Variants in PDE3B observed in about 807,000 individuals in gnomAD.
The protein encoded by PDE3B is phosphodiesterase 3B.
Under a neutral mutation model 116.8 loss-of-function variants are expected in PDE3B, and 66 were observed. That is an observed-to-expected ratio of 0.56 (90% CI 0.46 to 0.69). The LOEUF is 0.69. Ranked by LOEUF, PDE3B falls within the 30% of genes least tolerant of loss-of-function variation. PDE3B has a pLI of 0.00. For synonymous variants in PDE3B, 595 were observed against 533.6 expected (o/e 1.12, Z -1.59); for missense variants, 1,384 against 1,368.1 (o/e 1.01, Z -0.18).
At chr11:14,749,517 T>C (rs1249756418) in intron 1 of PDE3B, among the ~76,000 whole-genome samples, 2 of 152,178 alleles carry the variant, frequency 1.3e-5, no homozygotes, top group Admixed American at 1.3e-4. Context: ...TCTTTGGGGC[T>C]ACACAGAACG....
intron 12 of PDE3B, among the ~76,000 whole-genome samples, chr11:14,850,377 T>C (rs1032162246): frequency 6.6e-6 from 1 of 152,092 alleles, no homozygotes; most frequent in Non-Finnish European, 1.5e-5. Flanking sequence ...TTAGGAGATA[T>C]ACCTAATGCT....
intron 12 of PDE3B, among the ~76,000 whole-genome samples, chr11:14,846,406 C>A (rs1284251519): frequency 1.3e-5 from 2 of 152,116 alleles, no homozygotes; most frequent in Non-Finnish European, 2.9e-5. Context: ...TAAAGACCAT[C>A]GAGGCTAGGA....
At chr11:14,875,485 G>T (rs1411887070), downstream of PDE3B, among the ~76,000 whole-genome samples, 1 of 152,174 alleles carries the variant, frequency 6.6e-6, no homozygotes, top group East Asian at 1.9e-4. Flanking sequence ...TGAGTTAGTA[G>T]CTTAGCACTG....
At chr11:14,678,508 G>T (rs973167347) in intron 1 of PDE3B, among the ~76,000 whole-genome samples, 6 of 152,072 alleles carry the variant, frequency 3.9e-5, no homozygotes, top group African/African-American at 1.4e-4. Flanking sequence ...ACTTGGTATT[G>T]TTAGTATTTT....
intron 1 of PDE3B, among the ~76,000 whole-genome samples, chr11:14,655,787 G>A (rs1565075263): frequency 6.6e-6 from 1 of 152,160 alleles, no homozygotes; most frequent in African/African-American, 2.4e-5. Flanking sequence ...CCATGTGATG[G>A]TAAAATTCAT....
chr11:14,857,565 C>T (rs189111782), intron 12 of PDE3B, among the ~76,000 whole-genome samples: 1 of 152,126 alleles, frequency 6.6e-6, no homozygotes, highest in Admixed American at 6.5e-5. Context: ...TTTTCTCAAT[C>T]CATTCTCATT....
rs779157942 is a variant in PDE3B at position 14,818,187 on chromosome 11, T to G, written c.1527T>G (p.Val509=). 21 of 1,604,372 alleles carry G rather than the reference T, an allele frequency of 1.3e-5. No individual in the cohort carries two copies. The South Asian group carries it at 2.1e-4, about 16-fold the overall frequency. ...CCTTTCTTTTAATTTTTAAAGGTGT[T>G]TTGTCCAGTCTGAGTCCTGTGAATT... is the stretch of plus-strand genomic sequence containing the variant. The part of the protein sequence containing the change: ...THHVGLRRAG[V]LSSLSPVNSS... The change falls in exon 6 of 16, where the codon GTT becomes GTG. Residue 509 remains valine, a synonymous_variant. Transcript: ENST00000282096.
At chr11:14,848,828 T>G (rs375286119) in intron 12 of PDE3B, among the ~76,000 whole-genome samples, 63 of 152,120 alleles carry the variant, frequency 4.1e-4, no homozygotes, top group South Asian at 2.3e-3. Context: ...CACTGCTCAA[T>G]GAAATAAAAG....
At chr11:14,696,974 T>C in intron 1 of PDE3B, among the ~76,000 whole-genome samples, 1 of 152,260 alleles carries the variant, frequency 6.6e-6, no homozygotes, top group South Asian at 2.1e-4. Context: ...TCTTGCTCTG[T>C]CACTCAGGTT....
chr11:14,667,465 AAAG>A (rs1854205321), intron 1 of PDE3B, among the ~76,000 whole-genome samples: 1 of 150,348 alleles, frequency 6.7e-6, no homozygotes. Flanking sequence ...AAATTAAAAA[AAAG>A]AAAATGTGGC....
chr11:14,823,331 A>G (rs770055830), intron 7 of PDE3B, among the ~76,000 whole-genome samples: 2 of 151,758 alleles, frequency 1.3e-5, no homozygotes, highest in Non-Finnish European at 2.9e-5. Context: ...GTCTACAACC[A>G]CCCCTGCTAG....
intron 1 of PDE3B, among the ~76,000 whole-genome samples, chr11:14,666,645 A>G (rs1191340613): frequency 1.3e-5 from 2 of 151,870 alleles, no homozygotes; most frequent in Non-Finnish European, 2.9e-5. Flanking sequence ...ACACTTCTCA[A>G]AAGAAGACAT....
chr11:14,854,084 TAA>T (rs1337447078), intron 12 of PDE3B, among the ~76,000 whole-genome samples: 18 of 152,178 alleles, frequency 1.2e-4, no homozygotes, highest in Non-Finnish European at 7.3e-5. Context: ...CACCAGCAGA[TAA>T]AAGTTTTTTT....
At chr11:14,899,256 T>C in the PDE3B span, among the ~76,000 whole-genome samples, 5 of 152,212 alleles carry the variant, frequency 3.3e-5, no homozygotes, top group Admixed American at 6.5e-5. Context: ...GAAGTTGGAT[T>C]TGAGAGCTGT....
chr11:14,644,315 C>G lies in PDE3B; in HGVS notation c.240C>G (p.Leu80=), dbSNP rs553365408. ...RRCSPFCRAR[L]SLGALAAFVL... ...GCTCCCCCTTCTGCCGGGCGCGCCT[C>G]TCGCTGGGCGCCCTGGCTGCCTTTG... Residue 80 remains leucine, a synonymous_variant, in exon 1 of 16, where the codon CTC becomes CTG. Coordinates refer to ENST00000282096, the MANE Select transcript of PDE3B (RefSeq NM_000922.4). 6 of 1,567,976 alleles carry G rather than the reference C, an allele frequency of 3.8e-6. No homozygotes were observed. Among genetic ancestry groups the G allele is most frequent in the Non-Finnish European group, 5.2e-6 (6 of 1,163,122 alleles).
chr11:14,888,473 C>G, the PDE3B span, among the ~76,000 whole-genome samples: 96 of 152,304 alleles, frequency 6.3e-4, 1 homozygote, highest in African/African-American at 2.2e-3. Context: ...ACTTTTCAAC[C>G]TTTGCTTGGT....
intron 5 of PDE3B, among the ~76,000 whole-genome samples, chr11:14,811,503 T>TCTGTTTTGGTACCAGTACCATG (rs1859128777): frequency 1.3e-5 from 2 of 152,190 alleles, no homozygotes; most frequent in Non-Finnish European, 2.9e-5. Flanking sequence ...TTCTGAGGGC[T>TCTGTTTTGGTACCAGTACCATG]CTGTTTTGGT....
chr11:14,683,055 A>G lies in PDE3B; in HGVS notation c.978+38002A>G, dbSNP rs1323396342. 4.0e-5 allele frequency among the ~76,000 whole-genome samples: 6 copies of G among 151,818 alleles called. No individual in the cohort carries two copies. The East Asian group carries it at 1.2e-3, about 29-fold the overall frequency. ...CAGGTTCAAGTGATTCTCCTGCCTC[A>G]GCCTCCCAAGTAGCTGGGATTACAG... is the stretch of plus-strand genomic sequence containing the variant. On this transcript the variant is annotated intron_variant, in intron 1 of 15. Coordinates refer to ENST00000282096, the MANE Select transcript of PDE3B (RefSeq NM_000922.4).
At chr11:14,687,778 A>G (rs7938266) in intron 1 of PDE3B, among the ~76,000 whole-genome samples, 53,929 of 152,046 alleles carry the variant, frequency 0.35, 10,943 homozygotes, top group South Asian at 0.46. Flanking sequence ...TATGGATGAC[A>G]TACAGTTCTG....
Sources: allele counts gnomAD v4.1 joint callset (sites outside exome capture counted in the v4.1 genomes callset), GRCh38; gene constraint gnomAD v4.1.1; transcripts MANE v1.5; gene names NCBI Gene and HGNC (gene_info 2026-07-23, HGNC 2026-07-21).